Variants in PARD3B observed in about 807,000 individuals in gnomAD.
The protein encoded by PARD3B is par-3 family cell polarity regulator beta.
A neutral mutation model predicts 130.2 loss-of-function variants in PARD3B; 103 were observed. That is an observed-to-expected ratio of 0.79 (90% CI 0.67 to 0.93). The LOEUF is 0.93. Ranked by LOEUF, PARD3B falls within the 40% of genes least tolerant of loss-of-function variation. The pLI is 0.00. For synonymous variants in PARD3B, 583 were observed against 553.2 expected (o/e 1.05, Z -0.76); for missense variants, 1,609 against 1,499.2 (o/e 1.07, Z -1.21).
intron 18 of PARD3B, among the ~76,000 whole-genome samples, chr2:205,342,139 G>A (rs2043565073): frequency 6.6e-6 from 1 of 152,138 alleles, no homozygotes. Flanking sequence ...AGGGAGGAAG[G>A]AATAGATGGG....
chr2:204,913,936 A>G (rs901704977), intron 2 of PARD3B, among the ~76,000 whole-genome samples: 2 of 152,334 alleles, frequency 1.3e-5, no homozygotes, highest in South Asian at 2.1e-4. Flanking sequence ...CACTGAAGGC[A>G]CTACTGGAAA....
At chr2:204,586,000 A>G (rs2032807285) in intron 1 of PARD3B, among the ~76,000 whole-genome samples, 1 of 152,202 alleles carries the variant, frequency 6.6e-6, no homozygotes, top group Non-Finnish European at 1.5e-5. Context: ...GAATTATAGT[A>G]CACTGCATTT....
chr2:204,790,415 A>T (rs368044230), intron 2 of PARD3B, among the ~76,000 whole-genome samples: 1 of 152,228 alleles, frequency 6.6e-6, no homozygotes. Context: ...ATAAACCAGC[A>T]AAATCTTTGA....
chr2:204,650,024 G>T (rs187911815), intron 1 of PARD3B, among the ~76,000 whole-genome samples: 1 of 152,118 alleles, frequency 6.6e-6, no homozygotes, highest in East Asian at 1.9e-4. Flanking sequence ...ATCTGACAAA[G>T]GGCTAATATC....
chr2:205,614,819 A>C (rs1374481295), intron 22 of PARD3B, among the ~76,000 whole-genome samples: 1 of 152,182 alleles, frequency 6.6e-6, no homozygotes, highest in Non-Finnish European at 1.5e-5. Context: ...ACCAAGATGT[A>C]ACAGCAGCCA....
At chr2:205,215,237 C>A (rs948015316) in intron 15 of PARD3B, among the ~76,000 whole-genome samples, 4 of 150,184 alleles carry the variant, frequency 2.7e-5, no homozygotes, top group South Asian at 2.1e-4. Flanking sequence ...ATATGTAAAA[C>A]CAAGAAGTGA....
intron 2 of PARD3B, among the ~76,000 whole-genome samples, chr2:204,795,265 ATTGATAGTGATTGAGTCATT>A (rs1307786265): frequency 6.6e-6 from 1 of 152,142 alleles, no homozygotes; most frequent in Non-Finnish European, 1.5e-5. Context: ...GGGCAAACAG[ATTGATAGTGATTGAGTCATT>A]TTGATAGTGA....
At chr2:204,697,163 G>T (rs894802108) in intron 2 of PARD3B, among the ~76,000 whole-genome samples, 5 of 152,094 alleles carry the variant, frequency 3.3e-5, no homozygotes, top group African/African-American at 1.2e-4. Context: ...CTGGCTAAGT[G>T]TGGCCACTGT....
At chr2:205,013,527 G>A (rs566772500) in intron 3 of PARD3B, among the ~76,000 whole-genome samples, 1 of 152,124 alleles carries the variant, frequency 6.6e-6, no homozygotes, top group Non-Finnish European at 1.5e-5. Context: ...CACCTTTGTT[G>A]TGGAGGGGCT....
intron 2 of PARD3B, among the ~76,000 whole-genome samples, chr2:204,898,930 T>C (rs1157443438): frequency 2.0e-5 from 3 of 152,222 alleles, no homozygotes. Context: ...CTGATATAAG[T>C]ATAGCTACTC....
At chr2:205,068,453 T>C (rs1222744178) in intron 4 of PARD3B, among the ~76,000 whole-genome samples, 2 of 152,210 alleles carry the variant, frequency 1.3e-5, no homozygotes, top group Non-Finnish European at 2.9e-5. Context: ...AAAAATTGTT[T>C]TTAAGGAAAC....
intron 22 of PARD3B, among the ~76,000 whole-genome samples, chr2:205,577,394 G>A (rs1003329253): frequency 2.0e-5 from 3 of 152,156 alleles, no homozygotes; most frequent in African/African-American, 7.2e-5. Context: ...TCAGGGCCAA[G>A]AGAAGCAAGT....
intron 18 of PARD3B, among the ~76,000 whole-genome samples, chr2:205,345,267 A>G (rs1465725591): frequency 2.6e-5 from 4 of 152,188 alleles, no homozygotes; most frequent in African/African-American, 7.2e-5. Context: ...GGGAAATATG[A>G]TTGGACAAAG....
chr2:205,565,480 T>C (rs1414762638), intron 22 of PARD3B, among the ~76,000 whole-genome samples: 1 of 152,210 alleles, frequency 6.6e-6, no homozygotes, highest in Non-Finnish European at 1.5e-5. Flanking sequence ...CAGTGTTTTA[T>C]AGGAGTGATT....
chr2:205,289,369 A>ATATGATGCT (rs2105866750), intron 16 of PARD3B, among the ~76,000 whole-genome samples: 1 of 152,186 alleles, frequency 6.6e-6, no homozygotes, highest in East Asian at 1.9e-4. Flanking sequence ...CCAAAAAAAA[A>ATATGATGCT]ATATGATGCT....
At position 205,240,671 on chromosome 2, in the gene PARD3B, A is replaced by G. The variant is rs147982782; in HGVS notation, c.2141-5107A>G. On this transcript the variant is annotated intron_variant, in intron 15 of 22. Coordinates refer to ENST00000406610, the MANE Select transcript of PARD3B (RefSeq NM_001302769.2). ...CAATATACAATCTTCTGTCAGCATA[A>G]GAAGAGCATCTGGGGCCCATTAACT... 2.0e-5 allele frequency among the ~76,000 whole-genome samples: 3 copies of G among 152,310 alleles called. No homozygotes were observed. The East Asian group carries it at 5.8e-4, about 29-fold the overall frequency.
In PARD3B at chr2:205,281,606, C is replaced by T. The variant is rs891943091; in HGVS notation, c.2186-18924C>T. On this transcript the variant is annotated intron_variant, in intron 16 of 22. Transcript: ENST00000406610. The surrounding 1 kb of genome is among the most constrained non-coding windows in gnomAD (Gnocchi z 4.2). ...GAAAATACATGCCTCACATCATAGA[C>T]TGATTTGTACAAAATATAGTAAAAA... Among the ~76,000 whole-genome samples, 2 of 152,196 alleles carry T rather than the reference C, an allele frequency of 1.3e-5. No individual in the cohort carries two copies. The highest frequency in any genetic ancestry group is 4.8e-5 in the African/African-American group (2 of 41,454).
intron 3 of PARD3B, among the ~76,000 whole-genome samples, chr2:205,013,934 C>A (rs2125315168): frequency 6.6e-6 from 1 of 152,266 alleles, no homozygotes; most frequent in African/African-American, 2.4e-5. Flanking sequence ...ACTGTGAAAT[C>A]TGCAGACAGA....
intron 21 of PARD3B, among the ~76,000 whole-genome samples, chr2:205,504,522 A>G (rs1279286182): frequency 1.3e-5 from 2 of 152,256 alleles, no homozygotes; most frequent in South Asian, 2.1e-4. Flanking sequence ...TCCAGAATCT[A>G]CAATGAACTC....
Sources: gnomAD v4.1 joint callset for allele counts (sites outside exome capture counted in the v4.1 genomes callset) on GRCh38, gnomAD v4.1.1 for gene constraint, Gnocchi (gnomAD v3.1) non-coding constraint, MANE v1.5 for transcripts, NCBI Gene and HGNC (gene_info 2026-07-23, HGNC 2026-07-21) for gene names.